CNBD1: variants seen among roughly 807,000 people sequenced by gnomAD.
CNBD1 encodes cyclic nucleotide-binding domain-containing protein 1.
A neutral mutation model predicts 54.4 loss-of-function variants in CNBD1; 71 were observed. The ratio of observed to expected loss-of-function variants is 1.30; its 90% confidence interval spans 1.08 to 1.59. The LOEUF (loss-of-function observed/expected upper bound fraction) is 1.59, where lower values mean the gene tolerates loss of function less well. Ranked by LOEUF, CNBD1 falls within the 40% of genes most tolerant of loss-of-function variation. The pLI, the probability that CNBD1 is intolerant of heterozygous loss-of-function variation, is 0.00. For synonymous variants in CNBD1, 182 were observed against 170.7 expected (o/e 1.07, Z -0.51); for missense variants, 659 against 518.0 (o/e 1.27, Z -2.64).
At chr8:87,385,923 C>T (rs189500608), downstream of CNBD1, among the ~76,000 whole-genome samples, 257 of 152,192 alleles carry the variant, frequency 1.7e-3, 1 homozygote, top group Middle Eastern at 6.8e-3. Flanking sequence ...ACAAAATTTC[C>T]AGAGGAACTA....
intron 4 of CNBD1, among the ~76,000 whole-genome samples, chr8:86,965,644 A>T (rs952964321): frequency 6.6e-6 from 1 of 152,078 alleles, no homozygotes; most frequent in Admixed American, 6.5e-5. Flanking sequence ...AGCCCTCAAA[A>T]TGTTACGGGA....
rs537470316 is a variant in CNBD1 at position 87,364,491 on chromosome 8, A to G, written c.1303+10705A>G. On this transcript the variant is annotated intron_variant, in intron 10 of 10. Coordinates refer to ENST00000518476, the MANE Select transcript of CNBD1 (RefSeq NM_173538.3). ...TGTCTTTTTATTTTATTTTTTAAAT[A>G]TTTTAAATTTTATTTTATGTTCAGA... Among the ~76,000 whole-genome samples, 416 of 128,930 alleles carry G rather than the reference A, an allele frequency of 3.2e-3. 1 individual carries two copies. The highest frequency in any genetic ancestry group is 0.011 in the African/African-American group (396 of 35,956). 84.6% of individuals were successfully genotyped at this position (128,930 alleles called of 152,430 possible).
At chr8:87,251,623 G>T (rs907343983) in intron 6 of CNBD1, among the ~76,000 whole-genome samples, 5 of 150,516 alleles carry the variant, frequency 3.3e-5, no homozygotes, top group African/African-American at 4.9e-5. Flanking sequence ...ACAAAAATTG[G>T]ATTGACTACT....
At position 86,980,977 on chromosome 8, in the gene CNBD1, G is replaced by A. The variant is rs139203292; in HGVS notation, c.431+41223G>A. 4.4e-3 allele frequency among the ~76,000 whole-genome samples: 665 copies of A among 152,222 alleles called. 4 individuals are homozygous for A. Among genetic ancestry groups the A allele is most frequent in the African/African-American group, 0.015 (622 of 41,536 alleles). ...CATAACCTCCCACATACCCACACAT[G>A]GAGACAGACTTTCACAGTGTGTGTA... On this transcript the variant is annotated intron_variant, in intron 4 of 10. Transcript: ENST00000518476.
At chr8:87,190,469 G>T (rs1434122246) in intron 4 of CNBD1, among the ~76,000 whole-genome samples, 1 of 152,066 alleles carries the variant, frequency 6.6e-6, no homozygotes, top group Non-Finnish European at 1.5e-5. Context: ...TTCTCTGTGT[G>T]CCTTATTCCA....
chr8:86,927,283 T>A (rs1408175273), intron 3 of CNBD1, among the ~76,000 whole-genome samples: 1 of 151,926 alleles, frequency 6.6e-6, no homozygotes, highest in Non-Finnish European at 1.5e-5. Context: ...AGAGAGTAAC[T>A]GAAAGAGGGG....
At chr8:87,343,161 G>A (rs535350104) in intron 8 of CNBD1, among the ~76,000 whole-genome samples, 5 of 152,296 alleles carry the variant, frequency 3.3e-5, no homozygotes, top group South Asian at 2.1e-4. Context: ...CAACCACGCA[G>A]GCAGTCAGAC....
chr8:87,330,491 T>A (rs1320207929), intron 8 of CNBD1, among the ~76,000 whole-genome samples: 3 of 152,108 alleles, frequency 2.0e-5, no homozygotes. Context: ...TGTTTTCCTT[T>A]CAATTAGTTC....
chr8:87,241,356 T>C (rs545366630), intron 6 of CNBD1, among the ~76,000 whole-genome samples: 166 of 146,400 alleles, frequency 1.1e-3, no homozygotes, highest in East Asian at 4.1e-3. Flanking sequence ...CTGCAAGCTC[T>C]GCCTCCCGGG....
chr8:87,142,855 C>T (rs938808438), intron 4 of CNBD1, among the ~76,000 whole-genome samples: 4 of 151,398 alleles, frequency 2.6e-5, no homozygotes, highest in East Asian at 3.9e-4. Flanking sequence ...TTGTTGTGCT[C>T]GTTGTTCGTG....
At chr8:86,927,698 T>C in intron 3 of CNBD1, among the ~76,000 whole-genome samples, 1 of 152,292 alleles carries the variant, frequency 6.6e-6, no homozygotes, top group Non-Finnish European at 1.5e-5. Flanking sequence ...TACTGCTTAA[T>C]AATGTAATGA....
intron 8 of CNBD1, among the ~76,000 whole-genome samples, chr8:87,326,583 C>T (rs1481495703): frequency 8.5e-6 from 1 of 117,010 alleles, no homozygotes; most frequent in Non-Finnish European, 1.9e-5. Flanking sequence ...CCCTTTCTTC[C>T]AGTTGATCGC....
chr8:87,020,177 A>G (rs367986633), intron 4 of CNBD1, among the ~76,000 whole-genome samples: 9 of 152,102 alleles, frequency 5.9e-5, no homozygotes, highest in Non-Finnish European at 1.3e-4. Context: ...AAAAGGCACG[A>G]TTAAAGACTC....
chr8:86,975,382 G>T (rs1001909723), intron 4 of CNBD1, among the ~76,000 whole-genome samples: 3 of 151,894 alleles, frequency 2.0e-5, no homozygotes, highest in African/African-American at 7.2e-5. Flanking sequence ...GTCTACCACT[G>T]TCCCCATCCC....
At chr8:87,218,513 G>T (rs1403218453) in intron 5 of CNBD1, among the ~76,000 whole-genome samples, 2 of 151,940 alleles carry the variant, frequency 1.3e-5, no homozygotes, top group Non-Finnish European at 2.9e-5. Context: ...AGTCTATTAT[G>T]CCTGGTAAAG....
chr8:87,047,696 A>G (rs924298386), intron 4 of CNBD1, among the ~76,000 whole-genome samples: 2 of 152,336 alleles, frequency 1.3e-5, no homozygotes, highest in East Asian at 1.9e-4. Flanking sequence ...TCCTGCAAGT[A>G]TGGTGTAGTT....
intron 4 of CNBD1, among the ~76,000 whole-genome samples, chr8:87,198,017 T>A (rs1470221699): frequency 1.3e-5 from 2 of 152,200 alleles, no homozygotes; most frequent in Non-Finnish European, 2.9e-5. Context: ...AAACTGTTCC[T>A]TTATGAAAGC....
intron 6 of CNBD1, among the ~76,000 whole-genome samples, chr8:87,250,334 C>T (rs1161211550): frequency 6.6e-6 from 1 of 152,022 alleles, no homozygotes; most frequent in African/African-American, 2.4e-5. Context: ...AAATGTTGGC[C>T]AGGATATGGA....
At chr8:87,325,896 TC>T (rs1212795404) in intron 8 of CNBD1, among the ~76,000 whole-genome samples, 7 of 131,710 alleles carry the variant, frequency 5.3e-5, no homozygotes, top group Non-Finnish European at 1.2e-4. Flanking sequence ...TTCTTCCTAG[TC>T]TCGATGGTCT....
Sources: allele counts gnomAD v4.1 joint callset (sites outside exome capture counted in the v4.1 genomes callset), GRCh38; gene constraint gnomAD v4.1.1; transcripts MANE v1.5; gene names NCBI Gene and HGNC (gene_info 2026-07-23, HGNC 2026-07-21).